Variants in CAND1 observed in about 807,000 individuals in gnomAD.
CAND1 encodes cullin-associated NEDD8-dissociated protein 1.
CAND1 carries 7 observed loss-of-function variants against 108.5 expected under a neutral mutation model. The ratio of observed to expected loss-of-function variants is 0.06; its 90% CI spans 0.04 to 0.12. The LOEUF is 0.12. Ranked by LOEUF, CAND1 falls within the 10% of genes least tolerant of loss-of-function variation. The pLI, the probability that CAND1 is intolerant of heterozygous loss-of-function variation, is 1.00. For missense variants in CAND1, 941 were observed against 1,448.7 expected (o/e 0.65, Z 5.69); for synonymous variants, 534 against 512.0 (o/e 1.04, Z -0.58).
Position 67,314,401 on chromosome 12 carries a change from A to C in CAND1, c.*1571A>C, listed in dbSNP as rs1267668655. 6.6e-6 allele frequency: 1 copy of C among 152,212 alleles called. No individual in the cohort carries two copies. Among genetic ancestry groups the C allele is most frequent in the Non-Finnish European group, 1.5e-5 (1 of 68,024 alleles). 9.4% of individuals were successfully genotyped at this position (152,212 alleles called of 1,614,324 possible). A position where few individuals can be genotyped will look rare whatever the true frequency, so the allele number is the denominator to read the frequency against. ...GCAGAAGACATCACTTCTAGTAAGGATTTTGACTAGTGCATTGATGTTGAA... is the reference window on the plus strand; with the variant it reads ...GCAGAAGACATCACTTCTAGTAAGGCTTTTGACTAGTGCATTGATGTTGAA... On this transcript the variant is annotated 3_prime_UTR_variant, in exon 15 of 15. Coordinates refer to ENST00000545606, the MANE Select transcript of CAND1 (RefSeq NM_018448.5).
intron 2 of CAND1, among the ~76,000 whole-genome samples, chr12:67,287,857 ATTTT>A (rs34177330): frequency 8.9e-6 from 1 of 112,590 alleles, no homozygotes; most frequent in Non-Finnish European, 1.8e-5. Flanking sequence ...TTTTGATGTG[ATTTT>A]TTTTTTTTTT....
chr12:67,302,316 C>T lies in CAND1; in HGVS notation c.1001-7C>T, dbSNP rs1457229300. The T allele has an allele frequency of 1.8e-5, 29 of 1,608,596 alleles. No homozygotes were observed. The highest frequency in any genetic ancestry group is 2.2e-5 in the Non-Finnish European group (26 of 1,177,308). On this transcript the variant is annotated splice_region_variant and splice_polypyrimidine_tract_variant and intron_variant, in intron 7 of 14. Coordinates refer to ENST00000545606, the MANE Select transcript of CAND1 (RefSeq NM_018448.5). ...AATAGCCTGTTTACATTAAAACTTA[C>T]CCTTAGGGAGTGATGATGAATACAG...
chr12:67,306,117 G>A lies in CAND1; in HGVS notation c.2449G>A (p.Val817Ile). The A allele has an allele frequency of 6.2e-7, 1 of 1,614,092 alleles. No individual in the cohort carries two copies. Among genetic ancestry groups the A allele is most frequent in the South Asian group, 1.1e-5 (1 of 91,080 alleles). Residue 817 changes from valine (V) to isoleucine (I), a missense_variant, in exon 10 of 15, where the codon GTA (valine) becomes ATA (isoleucine). Transcript: ENST00000545606. ...TRACPKEGPA[V>I]VGQFIQDVKN... is the part of the protein sequence containing the mutation. Reference sequence around the variant, plus strand: ...AGCATGCCCTAAAGAGGGACCAGCTGTAGTAGGTCAGTTTATTCAAGATGT... The same window carrying A: ...AGCATGCCCTAAAGAGGGACCAGCTATAGTAGGTCAGTTTATTCAAGATGT...
intron 7 of CAND1, among the ~76,000 whole-genome samples, chr12:67,299,439 C>T (rs772102342): frequency 6.6e-6 from 1 of 152,006 alleles, no homozygotes; most frequent in Non-Finnish European, 1.5e-5. Flanking sequence ...CTTGTTTTCT[C>T]TTGGCTAGGA....
chr12:67,285,806 T>A (rs2044665100), intron 2 of CAND1, among the ~76,000 whole-genome samples: 2 of 152,202 alleles, frequency 1.3e-5, no homozygotes, highest in South Asian at 4.1e-4. Context: ...TGTGTCTGGC[T>A]ATTTTTGCTC....
intron 2 of CAND1, among the ~76,000 whole-genome samples, chr12:67,288,403 TAA>T (rs2044692865): frequency 6.6e-6 from 1 of 152,134 alleles, no homozygotes; most frequent in Non-Finnish European, 1.5e-5. Flanking sequence ...GCTGGTATTT[TAA>T]ACATAAGCCA....
intron 1 of CAND1, among the ~76,000 whole-genome samples, chr12:67,275,232 C>T (rs2044557639): frequency 6.6e-6 from 1 of 151,908 alleles, no homozygotes; most frequent in South Asian, 2.1e-4. Context: ...AATATTAAGA[C>T]TATTCCAATT....
At chr12:67,275,398 A>C (rs1482691302) in intron 1 of CAND1, among the ~76,000 whole-genome samples, 2 of 151,720 alleles carry the variant, frequency 1.3e-5, no homozygotes, top group Admixed American at 6.6e-5. Flanking sequence ...ATGGTGGTGC[A>C]TACCTGTAAT....
intron 2 of CAND1, among the ~76,000 whole-genome samples, chr12:67,290,833 A>G (rs1413887401): frequency 1.3e-5 from 2 of 152,064 alleles, no homozygotes; most frequent in African/African-American, 4.8e-5. Context: ...GCAGGAGGAG[A>G]GCAGAGGGCG....
Position 67,312,963 on chromosome 12 carries a change from GT to G in CAND1, c.*136del. 1 of 541,390 alleles carries G rather than the reference GT, an allele frequency of 1.8e-6. No homozygotes were observed. Among genetic ancestry groups the G allele is most frequent in the Non-Finnish European group, 3.2e-6 (1 of 314,224 alleles). The allele number at this position is 541,390 out of a possible 1,614,324, so 33.5% of individuals were successfully genotyped here. On this transcript the variant is annotated 3_prime_UTR_variant, in exon 15 of 15. Coordinates refer to ENST00000545606, the MANE Select transcript of CAND1 (RefSeq NM_018448.5). The stretch of plus-strand genomic sequence containing the variant: ...CACTTTTTTTTCCTTCATGGAGACT[GT>G]TTGTTTGGCTTTCTTCCATTGTTGT...
At chr12:67,289,503 C>T (rs561119478) in intron 2 of CAND1, among the ~76,000 whole-genome samples, 30 of 152,336 alleles carry the variant, frequency 2.0e-4, no homozygotes, top group Non-Finnish European at 3.7e-4. Flanking sequence ...ATCCTCACCT[C>T]AGCCTCCTGA....
Position 67,317,677 on chromosome 12 carries a change from TTTGC to T in CAND1, c.*4848_*4851del, listed in dbSNP as rs2045022283. The T allele has an allele frequency of 6.6e-6, 1 of 152,066 alleles. No individual in the cohort carries two copies. Among genetic ancestry groups the T allele is most frequent in the Non-Finnish European group, 1.5e-5 (1 of 68,110 alleles). 9.4% of individuals were successfully genotyped at this position (152,066 alleles called of 1,614,324 possible). On this transcript the variant is annotated 3_prime_UTR_variant, in exon 15 of 15. Coordinates refer to ENST00000545606, the MANE Select transcript of CAND1 (RefSeq NM_018448.5). ...TTTGTATTTTTAGTAGAGATGGAGT[TTTGC>T]CATGTTGGCCAGGCTGGTTTCAAAC... is the stretch of plus-strand genomic sequence containing the variant.
chr12:67,291,866 T>G (rs946110114), intron 2 of CAND1, among the ~76,000 whole-genome samples: 3 of 152,072 alleles, frequency 2.0e-5, no homozygotes, highest in Non-Finnish European at 4.4e-5. Context: ...CTAATTCGCC[T>G]ATTGATTGAT....
chr12:67,306,660 A>G, intron 10 of CAND1, 63 bp downstream of exon 10: 1 of 1,261,390 alleles, frequency 7.9e-7, no homozygotes, highest in Non-Finnish European at 1.1e-6. Context: ...CTTAAAAGAC[A>G]CCTAATAAAG....
At chr12:67,280,564 T>G (rs2044610194) in intron 1 of CAND1, among the ~76,000 whole-genome samples, 1 of 152,200 alleles carries the variant, frequency 6.6e-6, no homozygotes, top group Non-Finnish European at 1.5e-5. Context: ...GTTATCTTAG[T>G]TGGATTGCTT....
chr12:67,272,532 CTCA>C (rs2044530084), intron 1 of CAND1, among the ~76,000 whole-genome samples: 1 of 152,058 alleles, frequency 6.6e-6, no homozygotes, highest in African/African-American at 2.4e-5. Flanking sequence ...ACTATTAAGG[CTCA>C]ATTTATTGAA....
Position 67,297,996 on chromosome 12 carries a change from T to C in CAND1, c.854+143T>C, listed in dbSNP as rs906982882. ...TACAGTATTTGAAACTAATGTCATC[T>C]TGCTATTATAAAATGTGGTCATCAC... On this transcript the variant is annotated intron_variant, in intron 6 of 14. Coordinates refer to ENST00000545606, the MANE Select transcript of CAND1 (RefSeq NM_018448.5). 1.1e-5 allele frequency: 5 copies of C among 461,338 alleles called. No individual in the cohort carries two copies. In the South Asian group the frequency reaches 2.2e-4, roughly 20 times the overall value. 28.6% of individuals were successfully genotyped at this position (461,338 alleles called of 1,614,324 possible). A position where few individuals can be genotyped will look rare whatever the true frequency, so the allele number is the denominator to read the frequency against.
chr12:67,274,425 A>C (rs2044550872), intron 1 of CAND1, among the ~76,000 whole-genome samples: 1 of 152,254 alleles, frequency 6.6e-6, no homozygotes, highest in African/African-American at 2.4e-5. Context: ...ACACGATACA[A>C]AACTTCACTG....
chr12:67,284,751 TAC>T (rs1386043338), intron 2 of CAND1, among the ~76,000 whole-genome samples: 2 of 150,866 alleles, frequency 1.3e-5, no homozygotes, highest in Admixed American at 1.3e-4. Context: ...CATGCACACA[TAC>T]ACACACACAC....
Sources: gnomAD v4.1 joint callset for allele counts (sites outside exome capture counted in the v4.1 genomes callset) on GRCh38, gnomAD v4.1.1 for gene constraint, MANE v1.5 for transcripts, NCBI Gene and HGNC (gene_info 2026-07-23, HGNC 2026-07-21) for gene names.